MON1B: variants seen among roughly 807,000 people sequenced by gnomAD.
MON1B encodes the protein vacuolar fusion protein MON1 homolog B.
MON1B carries 26 observed loss-of-function variants against 45.1 expected under a neutral mutation model. That is an observed-to-expected ratio of 0.58 (90% CI 0.42 to 0.80). The LOEUF is 0.80. Ranked by LOEUF, MON1B falls within the 30% of genes least tolerant of loss-of-function variation. The pLI is 0.00. For missense variants in MON1B, 737 were observed against 754.5 expected (o/e 0.98, Z 0.27); for synonymous variants, 395 against 320.2 (o/e 1.23, Z -2.49).
chr16:77,198,614 A>C lies in MON1B; in HGVS notation c.*306A>C, dbSNP rs1339721300. ...GCCTCTGTCAGGGACTGTCCCCTCC[A>C]AACTTGCTTCCGTGGTCTGCCTCCT... On this transcript the variant is annotated 3_prime_UTR_variant, in exon 6 of 6. Transcript: ENST00000248248. 1.5e-5 allele frequency: 6 copies of C among 403,974 alleles called. No homozygotes were observed. The highest frequency in any genetic ancestry group is 1.0e-4 in the African/African-American group (5 of 49,662). The allele number at this position is 403,974 out of a possible 1,614,324, so 25.0% of individuals were successfully genotyped here.
Position 77,198,371 on chromosome 16 carries a change from T to C in MON1B, c.*63T>C, listed in dbSNP as rs996980122. On this transcript the variant is annotated 3_prime_UTR_variant, in exon 6 of 6. Coordinates refer to ENST00000248248, the MANE Select transcript of MON1B (RefSeq NM_014940.4). ...CCACCTTTGTTTTTTACCTTCTGTC[T>C]ACCCTGGAAATGTGTGTGGGGGTGT... The C allele has an allele frequency of 4.6e-6, 7 of 1,523,060 alleles. No individual in the cohort carries two copies. The African/African-American group carries it at 8.2e-5, about 18-fold the overall frequency. The allele number at this position is 1,523,060 out of a possible 1,614,324, so 94.3% of individuals were successfully genotyped here.
At chr16:77,198,086 C>T in intron 5 of MON1B, 22 bp from the exon 6 acceptor site, 1 of 1,611,078 alleles carries the variant, frequency 6.2e-7, no homozygotes, top group East Asian at 2.2e-5. Flanking sequence ...CCATCTGACT[C>T]TGTCTCCTCC....
Position 77,193,890 on chromosome 16 carries a change from T to A in MON1B, c.475+113T>A. The A allele has an allele frequency of 9.0e-7, 1 of 1,112,674 alleles. No homozygotes were observed. Among genetic ancestry groups the A allele is most frequent in the Non-Finnish European group, 1.3e-6 (1 of 794,096 alleles). The allele number at this position is 1,112,674 out of a possible 1,614,324, so 68.9% of individuals were successfully genotyped here. Reference sequence around the variant, plus strand: ...AGCCAGCCAGGGTTGGGTCCATGTGTGTGGATGGTCAGCCAGAGCTCTGTC... The same window carrying A: ...AGCCAGCCAGGGTTGGGTCCATGTGAGTGGATGGTCAGCCAGAGCTCTGTC... On this transcript the variant is annotated intron_variant, in intron 3 of 5. Coordinates refer to ENST00000248248, the MANE Select transcript of MON1B (RefSeq NM_014940.4). The surrounding 1 kb of genome is among the most constrained non-coding windows in gnomAD (Gnocchi z 5.0).
At position 77,200,291 on chromosome 16, in the gene MON1B, T is replaced by TATATATATATATATACACAC; in HGVS notation, c.*1984_*1985insTATATATATATATACACACA. ...ATATATGTGTATATATATATATATA[T>TATATATATATATATACACAC]ACACACACTAATCAGCCGGGCGCGG... On this transcript the variant is annotated 3_prime_UTR_variant, in exon 6 of 6. Coordinates refer to ENST00000248248, the MANE Select transcript of MON1B (RefSeq NM_014940.4). The TATATATATATATATACACAC allele has an allele frequency of 9.9e-5, 11 of 111,426 alleles. No individual in the cohort carries two copies. The highest frequency in any genetic ancestry group is 3.4e-4 in the African/African-American group (10 of 29,724). The allele number at this position is 111,426 out of a possible 1,614,324, so 6.9% of individuals were successfully genotyped here.
Position 77,198,132 on chromosome 16 carries a change from A to G in MON1B, c.1468A>G (p.Thr490Ala), listed in dbSNP as rs1597378311. The G allele has an allele frequency of 6.2e-7, 1 of 1,614,032 alleles. No individual in the cohort carries two copies. Among genetic ancestry groups the G allele is most frequent in the East Asian group, 2.2e-5 (1 of 44,846 alleles). The change falls in exon 6 of 6, where the codon ACC (threonine) becomes GCC (alanine). Residue 490 changes from threonine (T) to alanine (A), a missense_variant. Physicochemically the swap from Thr to Ala is moderately conservative, Grantham distance 58. Transcript: ENST00000248248. ...GGTGACCTCCAAATTCGAGCTCTAT[A>G]CCTGCCTCAGCCCTCTGGTGACCAA... ...AWVTSKFELY[T>A]CLSPLVTKAG...
At chr16:77,191,760 G>A (rs1271142816) in intron 2 of MON1B, 127 bp downstream of exon 2, 1 of 1,082,444 alleles carries the variant, frequency 9.2e-7, no homozygotes, top group Non-Finnish European at 1.3e-6. Flanking sequence ...AACCATCGCC[G>A]GGTCAGGAGG....
chr16:77,194,149 A>G lies in MON1B; in HGVS notation c.476-186A>G. 1.5e-6 allele frequency: 1 copy of G among 687,578 alleles called. No individual in the cohort carries two copies. Among genetic ancestry groups the G allele is most frequent in the Admixed American group, 2.1e-5 (1 of 46,550 alleles). The allele number at this position is 687,578 out of a possible 1,614,324, so 42.6% of individuals were successfully genotyped here. A position where few individuals can be genotyped will look rare whatever the true frequency, so the allele number is the denominator to read the frequency against. On this transcript the variant is annotated intron_variant, in intron 3 of 5. Transcript: ENST00000248248. This position sits in a 1 kb window ranked among gnomAD's most constrained non-coding sequence, Gnocchi z 8.1. ...ACCTACTTGTTCCTTTGTCCATCCC[A>G]TCATGTCTCTGCAAATGTCCAGATT...
rs907146023 is a variant in MON1B at position 77,193,361 on chromosome 16, G to T, written c.149-90G>T. 1.1e-5 allele frequency: 14 copies of T among 1,293,902 alleles called. No individual in the cohort carries two copies. The African/African-American group carries it at 1.9e-4, about 18-fold the overall frequency. The allele number at this position is 1,293,902 out of a possible 1,614,324, so 80.2% of individuals were successfully genotyped here. ...TCTGCGTCAGCATGCAGGGGTCATG[G>T]AGGGGCTAGTAGATATTTGGTGGGT... On this transcript the variant is annotated intron_variant, in intron 2 of 5. Transcript: ENST00000248248. The surrounding 1 kb of genome is among the most constrained non-coding windows in gnomAD (Gnocchi z 5.0).
rs978498778 is a variant in MON1B, at chr16:77,193,070, C to T, written c.149-381C>T. Among the ~76,000 whole-genome samples the T allele has an allele frequency of 2.0e-5, 3 of 151,874 alleles. No homozygotes were observed. The highest frequency in any genetic ancestry group is 4.8e-5 in the African/African-American group (2 of 41,290). ...GAGCAGATATCAGGAGAAAAAATAG[C>T]GGTCAGAGGAGTTAATGGGGGATCA... On this transcript the variant is annotated intron_variant, in intron 2 of 5. Coordinates refer to ENST00000248248, the MANE Select transcript of MON1B (RefSeq NM_014940.4). This position sits in a 1 kb window ranked among gnomAD's most constrained non-coding sequence, Gnocchi z 5.0.
rs771445432 is a variant in MON1B, at chr16:77,194,935, C to T, written c.1076C>T (p.Ala359Val). Residue 359 changes from alanine to valine, a missense_variant, in exon 4 of 6, where the codon GCC becomes GTC. Ala to Val is a moderately conservative substitution (Grantham distance 64). Transcript: ENST00000248248. This position sits in a 1 kb window ranked among gnomAD's most constrained non-coding sequence, Gnocchi z 8.1. ...CTGCTGCTTGGCACCCAACGTGAAG[C>T]CTTCCATGCCATGGCCGCCTGCCGG... ...CLLLLGTQRE[A>V]FHAMAACRRL... is the part of the protein sequence containing the mutation. 6.2e-7 allele frequency: 1 copy of T among 1,613,696 alleles called. No homozygotes were observed.
Position 77,195,086 on chromosome 16 carries a change from C to G in MON1B, c.1227C>G (p.Gly409=). 11 of 1,603,524 alleles carry G rather than the reference C, an allele frequency of 6.9e-6. No individual in the cohort carries two copies. The highest frequency in any genetic ancestry group is 9.3e-6 in the Non-Finnish European group (11 of 1,179,704). ...GCGTGCAGGCTGTCGGGGCGCCGGG[C>G]CTCCGGCACTTCCTGTATAAGCCGC... is the stretch of plus-strand genomic sequence containing the variant. ...AYSVQAVGAP[G]LRHFLYKPLD... Residue 409 remains glycine (G), a synonymous_variant, in exon 4 of 6, where the codon GGC becomes GGG. Transcript: ENST00000248248.
rs560724718 is a variant in MON1B, at chr16:77,198,408, G to T, written c.*100G>T. 3.7e-6 allele frequency: 5 copies of T among 1,339,862 alleles called. No homozygotes were observed. In the Admixed American group the frequency reaches 5.5e-5, roughly 15 times the overall value. The allele number at this position is 1,339,862 out of a possible 1,614,324, so 83.0% of individuals were successfully genotyped here. A position where few individuals can be genotyped will look rare whatever the true frequency, so the allele number is the denominator to read the frequency against. ...GTGTGTGGGGGTGTGTCTGTGGCCAGTCATTGTCTCCCTAAGCAATGGGGC... is the reference window on the plus strand; with the variant it reads ...GTGTGTGGGGGTGTGTCTGTGGCCATTCATTGTCTCCCTAAGCAATGGGGC... On this transcript the variant is annotated 3_prime_UTR_variant, in exon 6 of 6. Coordinates refer to ENST00000248248, the MANE Select transcript of MON1B (RefSeq NM_014940.4).
In MON1B at chr16:77,199,421, C is replaced by T. The variant is rs1020972362; in HGVS notation, c.*1113C>T. On this transcript the variant is annotated 3_prime_UTR_variant, in exon 6 of 6. Coordinates refer to ENST00000248248, the MANE Select transcript of MON1B (RefSeq NM_014940.4). The stretch of plus-strand genomic sequence containing the variant: ...GTTTCTTTTTTAACCAGTCATCAAG[C>T]GAGGCTCGCGCGCAGGCCCCGCGTT... The T allele has an allele frequency of 2.6e-6, 4 of 1,550,008 alleles. No individual in the cohort carries two copies. The highest frequency in any genetic ancestry group is 1.7e-4 in the Middle Eastern group (1 of 5,852).
At chr16:77,191,293 G>C in intron 1 of MON1B, 35 bp downstream of exon 1, 1 of 1,543,568 alleles carries the variant, frequency 6.5e-7, no homozygotes, top group South Asian at 1.2e-5. Flanking sequence ...AGGCCCAGTA[G>C]AGTCTCCTCT....
intron 4 of MON1B, 73 bp from the exon 5 acceptor site, chr16:77,195,462 A>G: frequency 6.7e-7 from 1 of 1,492,966 alleles, no homozygotes; most frequent in South Asian, 1.3e-5. Flanking sequence ...AAATCTCTAG[A>G]CTGAGGGAGG....
At chr16:77,196,324 A>G (rs1357837654) in intron 5 of MON1B, among the ~76,000 whole-genome samples, 1 of 151,392 alleles carries the variant, frequency 6.6e-6, no homozygotes, top group Non-Finnish European at 1.5e-5. Flanking sequence ...ATTTTCAAAT[A>G]ACTTTAGACT....
chr16:77,191,318 G>A lies in MON1B; in HGVS notation c.-11+60G>A, dbSNP rs918495800. The A allele has an allele frequency of 3.9e-6, 6 of 1,525,936 alleles. No individual in the cohort carries two copies. The African/African-American group carries it at 8.8e-5, about 22-fold the overall frequency. The allele number at this position is 1,525,936 out of a possible 1,614,324, so 94.5% of individuals were successfully genotyped here. Reference sequence around the variant, plus strand: ...GAGTCTCCTCTTTTCGGAAAGTGTTGGAGGGGGGACGTATTTGGGCATGAT... The same window carrying A: ...GAGTCTCCTCTTTTCGGAAAGTGTTAGAGGGGGGACGTATTTGGGCATGAT... On this transcript the variant is annotated intron_variant, in intron 1 of 5. Transcript: ENST00000248248.
intron 2 of MON1B, among the ~76,000 whole-genome samples, chr16:77,192,833 T>G (rs1338783879): frequency 1.3e-5 from 2 of 151,806 alleles, no homozygotes; most frequent in African/African-American, 2.4e-5. Flanking sequence ...GAGTGAATAG[T>G]GGATTAGGGG....
In MON1B at chr16:77,191,505, C is replaced by G. The variant is rs763028907; in HGVS notation, c.20C>G (p.Thr7Ser). The change falls in exon 2 of 6, where the codon ACT becomes AGT. Residue 7 changes from threonine to serine, a missense_variant. Transcript: ENST00000248248. ...GTGCAGATGGAGGTCGGAGGAGACA[C>G]TGCTGCCCCGGCCCCCGGGGGCGCG... is the stretch of plus-strand genomic sequence containing the variant. MEVGGDTAAPAPGGAED... is the reference protein window; with the variant it reads MEVGGDSAAPAPGGAED... The G allele has an allele frequency of 4.4e-6, 7 of 1,606,588 alleles. No individual in the cohort carries two copies. The highest frequency in any genetic ancestry group is 5.9e-6 in the Non-Finnish European group (7 of 1,177,808).
Sources: gnomAD v4.1 joint callset for allele counts (sites outside exome capture counted in the v4.1 genomes callset) on GRCh38, gnomAD v4.1.1 for gene constraint, Gnocchi (gnomAD v3.1) non-coding constraint, MANE v1.5 for transcripts, NCBI Gene and HGNC (gene_info 2026-07-23, HGNC 2026-07-21) for gene names.